Variants in SPTLC3 observed in about 807,000 individuals in gnomAD.
The protein encoded by SPTLC3 is serine palmitoyltransferase 3.
A neutral mutation model predicts 59.3 loss-of-function variants in SPTLC3; 36 were observed. The ratio of observed to expected loss-of-function variants is 0.61; its 90% CI spans 0.47 to 0.80. The LOEUF (loss-of-function observed/expected upper bound fraction) is 0.80, where lower values mean the gene tolerates loss of function less well. Ranked by LOEUF, SPTLC3 falls within the 30% of genes least tolerant of loss-of-function variation. The pLI is 0.00. For missense variants in SPTLC3, 625 were observed against 685.1 expected (o/e 0.91, Z 0.98); for synonymous variants, 257 against 240.8 (o/e 1.07, Z -0.62).
At chr20:13,118,427 C>T (rs1343148476) in intron 8 of SPTLC3, among the ~76,000 whole-genome samples, 3 of 113,462 alleles carry the variant, frequency 2.6e-5, no homozygotes, top group Non-Finnish European at 5.1e-5. Flanking sequence ...ATTCTAGTGC[C>T]AATATCACCA....
chr20:13,057,564 A>G (rs757156959), intron 2 of SPTLC3, among the ~76,000 whole-genome samples: 34 of 152,318 alleles, frequency 2.2e-4, no homozygotes, highest in Non-Finnish European at 4.6e-4. Context: ...GTTCCCAAAC[A>G]TAAAGGCTCT....
intron 8 of SPTLC3, among the ~76,000 whole-genome samples, chr20:13,126,163 A>G (rs1055653861): frequency 4.6e-5 from 7 of 152,170 alleles, no homozygotes; most frequent in Admixed American, 1.3e-4. Flanking sequence ...CCTAGTTTGC[A>G]TGGACTGTGA....
At chr20:13,092,742 A>T (rs1286758199) in intron 5 of SPTLC3, among the ~76,000 whole-genome samples, 3 of 152,200 alleles carry the variant, frequency 2.0e-5, no homozygotes, top group Admixed American at 1.3e-4. Context: ...AGCATGCTGT[A>T]TGTGAAACTA....
chr20:13,044,186 G>A (rs141992580), intron 1 of SPTLC3, among the ~76,000 whole-genome samples: 47 of 149,608 alleles, frequency 3.1e-4, no homozygotes, highest in Middle Eastern at 3.5e-3. Context: ...TTCAACCTCT[G>A]CCTCCTGGGT....
intron 10 of SPTLC3, among the ~76,000 whole-genome samples, chr20:13,158,280 T>C (rs1047197157): frequency 6.6e-6 from 1 of 152,194 alleles, no homozygotes; most frequent in Non-Finnish European, 1.5e-5. Flanking sequence ...GCTCATTATA[T>C]AAAATTTCCA....
In SPTLC3 at chr20:13,124,945, C is replaced by T. The variant is rs561619991; in HGVS notation, c.1153-1646C>T. On this transcript the variant is annotated intron_variant, in intron 8 of 11. Coordinates refer to ENST00000399002, the MANE Select transcript of SPTLC3 (RefSeq NM_018327.4). ...ACCTTCATGAGGAAGGAAGACATAG[C>T]GAAGACACCTGCCTAAGTGGGATTC... Among the ~76,000 whole-genome samples, 5 of 152,278 alleles carry T rather than the reference C, an allele frequency of 3.3e-5. No individual in the cohort carries two copies. The South Asian group carries it at 1.0e-3, about 32-fold the overall frequency.
At chr20:13,010,469 G>C (rs939841473) in intron 1 of SPTLC3, among the ~76,000 whole-genome samples, 1 of 152,304 alleles carries the variant, frequency 6.6e-6, no homozygotes, top group Middle Eastern at 3.4e-3. Flanking sequence ...TCTAGAGCCT[G>C]AGTTGTGTGT....
rs942168174 is a variant in SPTLC3, at chr20:13,126,838, A to G, written c.1279+121A>G. 9.7e-6 allele frequency: 13 copies of G among 1,335,310 alleles called. No individual in the cohort carries two copies. In the East Asian group the frequency reaches 2.2e-4, roughly 23 times the overall value. 82.7% of individuals were successfully genotyped at this position (1,335,310 alleles called of 1,614,324 possible). A position where few individuals can be genotyped will look rare whatever the true frequency, so the allele number is the denominator to read the frequency against. On this transcript the variant is annotated intron_variant, in intron 9 of 11. Coordinates refer to ENST00000399002, the MANE Select transcript of SPTLC3 (RefSeq NM_018327.4). ...TAGAACCCTATTTGTAAATCAAGCC[A>G]TGTGATAAATGCACAAAACTGCCGT...
chr20:13,120,221 A>G (rs570550799), intron 8 of SPTLC3, among the ~76,000 whole-genome samples: 9 of 152,218 alleles, frequency 5.9e-5, no homozygotes, highest in Non-Finnish European at 1.2e-4. Context: ...GTACTGTAAG[A>G]CAGATAGATA....
chr20:13,151,654 T>C (rs542930055), intron 9 of SPTLC3, among the ~76,000 whole-genome samples: 2 of 152,360 alleles, frequency 1.3e-5, no homozygotes, highest in Admixed American at 6.5e-5. Context: ...ATATACCATA[T>C]TGTTAACACA....
chr20:13,116,755 G>A (rs951560989), intron 7 of SPTLC3, among the ~76,000 whole-genome samples: 1 of 152,136 alleles, frequency 6.6e-6, no homozygotes, highest in Non-Finnish European at 1.5e-5. Context: ...TATGTGGTCC[G>A]CAACCATTGG....
chr20:13,020,354 A>AT (rs1008204539), intron 1 of SPTLC3, among the ~76,000 whole-genome samples: 2 of 102,504 alleles, frequency 2.0e-5, no homozygotes, highest in African/African-American at 5.3e-5. Context: ...TCTTAAAAAA[A>AT]AAAAAGAAAA....
intron 4 of SPTLC3, among the ~76,000 whole-genome samples, chr20:13,088,788 T>TTC (rs1374012055): frequency 1.4e-5 from 2 of 148,020 alleles, no homozygotes; most frequent in Non-Finnish European, 3.0e-5. Context: ...CCGGCTATTT[T>TTC]TTTTTTTTTT....
At chr20:13,083,311 A>G (rs892561205) in intron 4 of SPTLC3, among the ~76,000 whole-genome samples, 1 of 152,180 alleles carries the variant, frequency 6.6e-6, no homozygotes. Context: ...TGGAGCCCCT[A>G]TATAATTTGA....
chr20:13,131,202 A>G (rs1450341498), intron 9 of SPTLC3, among the ~76,000 whole-genome samples: 1 of 152,198 alleles, frequency 6.6e-6, no homozygotes, highest in African/African-American at 2.4e-5. Flanking sequence ...CAAGTAATCA[A>G]TCAACATTTT....
intron 1 of SPTLC3, 123 bp from the exon 2 acceptor site, chr20:13,048,821 TA>T: frequency 1.1e-6 from 1 of 879,816 alleles, no homozygotes; most frequent in Non-Finnish European, 1.7e-6. Flanking sequence ...GGTCAGTTTC[TA>T]ATTTATTTAC....
At position 13,051,782 on chromosome 20, in the gene SPTLC3, G is replaced by A. The variant is rs548027544; in HGVS notation, c.303+2652G>A. ...ATAAAACTGGAAATCAACTCCAAAAGGAACCTTCAAAACCATGCAAATACA... is the reference window on the plus strand; with the variant it reads ...ATAAAACTGGAAATCAACTCCAAAAAGAACCTTCAAAACCATGCAAATACA... On this transcript the variant is annotated intron_variant, in intron 2 of 11. Coordinates refer to ENST00000399002, the MANE Select transcript of SPTLC3 (RefSeq NM_018327.4). Among the ~76,000 whole-genome samples, 127 of 152,170 alleles carry A rather than the reference G, an allele frequency of 8.3e-4. 1 individual carries two copies. The South Asian group carries it at 0.012, about 14-fold the overall frequency.
chr20:13,033,653 T>C (rs754367019), intron 1 of SPTLC3, among the ~76,000 whole-genome samples: 2 of 152,124 alleles, frequency 1.3e-5, no homozygotes, highest in Non-Finnish European at 2.9e-5. Context: ...CACCAGACAA[T>C]AGTGTTGAAA....
chr20:13,050,489 C>T (rs1302176577), intron 2 of SPTLC3: 1 of 152,174 alleles, frequency 6.6e-6, no homozygotes, highest in Non-Finnish European at 1.5e-5. Flanking sequence ...GAAGAGAATT[C>T]TAAAAGCCTG....
Sources: allele counts gnomAD v4.1 joint callset (sites outside exome capture counted in the v4.1 genomes callset), GRCh38; gene constraint gnomAD v4.1.1; transcripts MANE v1.5; gene names NCBI Gene and HGNC (gene_info 2026-07-23, HGNC 2026-07-21).